ST6GALNAC3: variants seen among roughly 807,000 people sequenced by gnomAD.
The protein encoded by ST6GALNAC3 is ST6 N-acetylgalactosaminide alpha-2,6-sialyltransferase 3.
A neutral mutation model predicts 32.7 loss-of-function variants in ST6GALNAC3; 25 were observed. That is an observed-to-expected ratio of 0.76 (90% CI 0.56 to 1.07). ST6GALNAC3 has a LOEUF of 1.07. ST6GALNAC3 is among the 50% of genes least tolerant of loss of function. The probability of loss-of-function intolerance (pLI) is 0.00; values close to 1 mark genes in which losing one functional copy is unlikely to be tolerated. For missense variants in ST6GALNAC3, 355 were observed against 382.4 expected, an observed-to-expected ratio of 0.93 and a Z score of 0.60; for synonymous variants, 129 against 133.1, an observed-to-expected ratio of 0.97 and a Z score of 0.21.
chr1:76,227,324 G>A (rs909189288), intron 1 of ST6GALNAC3, among the ~76,000 whole-genome samples: 9 of 152,070 alleles, frequency 5.9e-5, no homozygotes. Flanking sequence ...AGAATTAATT[G>A]CATTCTCATT....
intron 3 of ST6GALNAC3, among the ~76,000 whole-genome samples, chr1:76,603,850 T>C (rs1242320921): frequency 1.3e-5 from 2 of 152,124 alleles, no homozygotes; most frequent in African/African-American, 4.8e-5. Context: ...AGCTTGGTCG[T>C]TTATTATTCT....
chr1:76,163,703 A>G (rs1225720021), intron 1 of ST6GALNAC3, among the ~76,000 whole-genome samples: 1 of 152,170 alleles, frequency 6.6e-6, no homozygotes, highest in Non-Finnish European at 1.5e-5. Context: ...GTGACATTTT[A>G]GGTTTGATGA....
chr1:76,544,576 T>C (rs529428119), intron 3 of ST6GALNAC3, among the ~76,000 whole-genome samples: 1 of 152,136 alleles, frequency 6.6e-6, no homozygotes, highest in Non-Finnish European at 1.5e-5. Context: ...CAAGAGCAAC[T>C]TGCCATTTAA....
intron 1 of ST6GALNAC3, among the ~76,000 whole-genome samples, chr1:76,223,588 T>C (rs1316943018): frequency 6.6e-6 from 1 of 152,126 alleles, no homozygotes; most frequent in Non-Finnish European, 1.5e-5. Flanking sequence ...TAAAATGTGC[T>C]TTTAGAAGTA....
At chr1:76,598,764 G>A (rs146307788) in intron 3 of ST6GALNAC3, among the ~76,000 whole-genome samples, 4 of 151,658 alleles carry the variant, frequency 2.6e-5, no homozygotes, top group African/African-American at 4.8e-5. Flanking sequence ...GTAAGCCTCC[G>A]TTAGACAGAA....
downstream of ST6GALNAC3, among the ~76,000 whole-genome samples, chr1:76,635,462 C>T (rs930833300): frequency 6.6e-6 from 1 of 152,118 alleles, no homozygotes; most frequent in Non-Finnish European, 1.5e-5. Flanking sequence ...GTTACTATCA[C>T]CATCTCATAT....
intron 1 of ST6GALNAC3, among the ~76,000 whole-genome samples, chr1:76,236,828 A>T (rs1332713180): frequency 6.6e-6 from 1 of 152,194 alleles, no homozygotes; most frequent in Non-Finnish European, 1.5e-5. Context: ...AATTTTTTAG[A>T]TAGGAAGCTT....
At chr1:76,603,029 T>G (rs1269272107) in intron 3 of ST6GALNAC3, among the ~76,000 whole-genome samples, 1 of 152,062 alleles carries the variant, frequency 6.6e-6, no homozygotes, top group Non-Finnish European at 1.5e-5. Flanking sequence ...CAAAGCAAAA[T>G]TAAATATCAC....
intron 3 of ST6GALNAC3, among the ~76,000 whole-genome samples, chr1:76,519,919 C>T (rs1266785532): frequency 6.6e-6 from 1 of 151,464 alleles, no homozygotes; most frequent in Non-Finnish European, 1.5e-5. Flanking sequence ...CATGCACACA[C>T]ACTGTATGTA....
chr1:76,078,547 G>A (rs1646847504), intron 1 of ST6GALNAC3, among the ~76,000 whole-genome samples: 1 of 152,156 alleles, frequency 6.6e-6, no homozygotes, highest in African/African-American at 2.4e-5. Context: ...TGATTATAGA[G>A]CCATAACAAG....
chr1:76,517,860 G>T (rs1032736061), intron 3 of ST6GALNAC3, among the ~76,000 whole-genome samples: 2 of 151,738 alleles, frequency 1.3e-5, no homozygotes, highest in African/African-American at 4.8e-5. Flanking sequence ...CTTTGTTTTT[G>T]CAGGAAGGAG....
Position 76,192,668 on chromosome 1 carries a change from G to T in ST6GALNAC3, c.18+117784G>T, listed in dbSNP as rs139917769. On this transcript the variant is annotated intron_variant, in intron 1 of 4. Coordinates refer to ENST00000328299, the MANE Select transcript of ST6GALNAC3 (RefSeq NM_152996.4). Reference sequence around the variant, plus strand: ...TGGTTAAAATGCACTGCCTTAACTGGAATATTCACAGGTATGTTCTTCTCG... The same window carrying T: ...TGGTTAAAATGCACTGCCTTAACTGTAATATTCACAGGTATGTTCTTCTCG... 4.2e-3 allele frequency among the ~76,000 whole-genome samples: 634 copies of T among 152,210 alleles called. 4 individuals carry two copies. Among genetic ancestry groups the T allele is most frequent in the African/African-American group, 9.4e-3 (391 of 41,530 alleles).
At chr1:76,569,282 G>A (rs546845923) in intron 3 of ST6GALNAC3, among the ~76,000 whole-genome samples, 14 of 152,202 alleles carry the variant, frequency 9.2e-5, no homozygotes, top group Admixed American at 5.9e-4. Flanking sequence ...TACAAAATAC[G>A]TTCAGTAAAT....
intron 1 of ST6GALNAC3, among the ~76,000 whole-genome samples, chr1:76,193,345 T>A (rs1173298277): frequency 1.3e-5 from 2 of 152,210 alleles, no homozygotes; most frequent in Non-Finnish European, 2.9e-5. Context: ...ACACACATGT[T>A]GTTTTGAAGT....
At chr1:76,341,678 T>TTTCTTTCC (rs1421303857) in intron 2 of ST6GALNAC3, among the ~76,000 whole-genome samples, 3,376 of 120,310 alleles carry the variant, frequency 0.028, 132 homozygotes, top group African/African-American at 0.057. Context: ...TCTTTCTTTC[T>TTTCTTTCC]TTCCTTCTTT....
chr1:76,315,157 A>AT (rs1303553934), intron 2 of ST6GALNAC3, among the ~76,000 whole-genome samples: 1 of 152,032 alleles, frequency 6.6e-6, no homozygotes, highest in Non-Finnish European at 1.5e-5. Context: ...TTTTAAATTA[A>AT]TTTTTTTACA....
At chr1:76,618,236 C>T (rs1048588685) in intron 3 of ST6GALNAC3, among the ~76,000 whole-genome samples, 5 of 152,124 alleles carry the variant, frequency 3.3e-5, no homozygotes, top group African/African-American at 1.2e-4. Context: ...ATAGTAGAGC[C>T]AGTAGAAGAA....
intron 3 of ST6GALNAC3, among the ~76,000 whole-genome samples, chr1:76,504,041 G>T (rs1476224545): frequency 1.3e-5 from 2 of 152,142 alleles, no homozygotes; most frequent in East Asian, 3.9e-4. Context: ...TAGGTTCCTA[G>T]GCTGCCATAG....
chr1:76,372,618 T>C (rs1650918893), intron 2 of ST6GALNAC3, among the ~76,000 whole-genome samples: 3 of 152,182 alleles, frequency 2.0e-5, no homozygotes, highest in African/African-American at 7.2e-5. Context: ...CTATTTTAAT[T>C]AAATTTAAGT....
Sources: gnomAD v4.1 joint callset for allele counts (sites outside exome capture counted in the v4.1 genomes callset) on GRCh38, gnomAD v4.1.1 for gene constraint, MANE v1.5 for transcripts, NCBI Gene and HGNC (gene_info 2026-07-23, HGNC 2026-07-21) for gene names.